The following HTR2C variants were observed in gnomAD, a reference collection of about 807,000 sequenced individuals.
HTR2C encodes 5-hydroxytryptamine (serotonin) receptor 2C, G protein-coupled.
A neutral mutation model predicts 21.0 loss-of-function variants in HTR2C; 5 were observed. The ratio of observed to expected loss-of-function variants is 0.24; its 90% CI spans 0.12 to 0.50. HTR2C has a LOEUF of 0.50. HTR2C is among the 20% of genes least tolerant of loss of function. The pLI is 0.98. For synonymous variants in HTR2C, 150 were observed against 145.3 expected (o/e 1.03, Z -0.23); for missense variants, 271 against 371.2 (o/e 0.73, Z 2.22).
At chrX:114,718,751 A>G (rs371041296) in intron 2 of HTR2C, among the ~76,000 whole-genome samples, 29 of 109,127 alleles carry the variant, frequency 2.7e-4, no homozygotes, top group Middle Eastern at 5.0e-3. Context: ...TCTTATTTCT[A>G]TGATTTAATC....
intron 2 of HTR2C, among the ~76,000 whole-genome samples, chrX:114,693,412 A>T (rs1330923906): frequency 8.9e-6 from 1 of 111,875 alleles, no homozygotes; most frequent in Non-Finnish European, 1.9e-5. Flanking sequence ...GATTACAAAG[A>T]TCTATGTGAA....
At chrX:114,865,573 C>T (rs1296848988) in intron 5 of HTR2C, among the ~76,000 whole-genome samples, 3 of 111,314 alleles carry the variant, frequency 2.7e-5, no homozygotes, top group African/African-American at 9.8e-5. Flanking sequence ...CTTGCTATTC[C>T]AGTTGGTGTA....
chrX:114,720,558 C>A (rs1214335927), intron 2 of HTR2C, among the ~76,000 whole-genome samples: 1 of 98,468 alleles, frequency 1.0e-5, no homozygotes, highest in Non-Finnish European at 2.0e-5. Context: ...GGTACATGTG[C>A]ACATTGTGCA....
intron 4 of HTR2C, among the ~76,000 whole-genome samples, chrX:114,847,679 T>G (rs1403929382): frequency 9.0e-6 from 1 of 110,558 alleles, no homozygotes; most frequent in African/African-American, 3.3e-5. Flanking sequence ...CGGTATGCAG[T>G]TTCCTTTTGG....
intron 2 of HTR2C, among the ~76,000 whole-genome samples, chrX:114,650,913 A>G (rs12836771): frequency 0.13 from 14,051 of 111,496 alleles, 762 homozygotes; most frequent in South Asian, 0.31. Context: ...TGAAAAGATT[A>G]GAAAATAAAA....
At chrX:114,659,077 C>T (rs995096471) in intron 2 of HTR2C, among the ~76,000 whole-genome samples, 3 of 111,007 alleles carry the variant, frequency 2.7e-5, no homozygotes, top group African/African-American at 6.6e-5. Flanking sequence ...TCCTTCTTCA[C>T]GTGCTGGCAG....
chrX:114,604,577 C>T (rs1256149150), intron 1 of HTR2C, among the ~76,000 whole-genome samples: 1 of 110,831 alleles, frequency 9.0e-6, no homozygotes, highest in African/African-American at 3.3e-5. Flanking sequence ...GCCGCTAATC[C>T]GAGAAGATCT....
chrX:114,691,435 A>G (rs1050026533), intron 2 of HTR2C, among the ~76,000 whole-genome samples: 4 of 111,933 alleles, frequency 3.6e-5, no homozygotes, highest in Non-Finnish European at 7.5e-5. Flanking sequence ...GTATGAAACC[A>G]AAGTTTACCT....
intron 4 of HTR2C, among the ~76,000 whole-genome samples, chrX:114,809,701 G>C (rs2070513516): frequency 9.0e-6 from 1 of 111,202 alleles, no homozygotes; most frequent in Non-Finnish European, 1.9e-5. Flanking sequence ...GGAAGGTCCA[G>C]AAATGCTGTC....
At chrX:114,899,792 G>A (rs1556484878) in intron 5 of HTR2C, among the ~76,000 whole-genome samples, 1 of 107,726 alleles carries the variant, frequency 9.3e-6, no homozygotes, top group Non-Finnish European at 1.9e-5. Context: ...TGAGTGCCGT[G>A]GACTGTAGCT....
chrX:114,877,878 T>C (rs1348700816), intron 5 of HTR2C, among the ~76,000 whole-genome samples: 2 of 110,919 alleles, frequency 1.8e-5, no homozygotes, highest in Non-Finnish European at 3.8e-5. Flanking sequence ...ACCTAACAAA[T>C]GCTCTATCCT....
intron 4 of HTR2C, among the ~76,000 whole-genome samples, chrX:114,786,403 C>T (rs2070174704): frequency 9.0e-6 from 1 of 111,550 alleles, no homozygotes; most frequent in Non-Finnish European, 1.9e-5. Context: ...AGTAATTATC[C>T]CAAGCTGAAA....
Position 114,720,516 on chromosome X carries a change from CT to C in HTR2C, c.-79-6331del, listed in dbSNP as rs71772275. On this transcript the variant is annotated intron_variant, in intron 2 of 5. Coordinates refer to ENST00000276198, the MANE Select transcript of HTR2C (RefSeq NM_000868.4). The stretch of plus-strand genomic sequence containing the variant: ...GATTTTCAGGATCATATTTCTTTTT[CT>C]TTTTTTTTTTAATTATACTTTAAGT... 7.8e-3 allele frequency among the ~76,000 whole-genome samples: 756 copies of C among 96,647 alleles called. 3 individuals carry two copies. Among genetic ancestry groups the C allele is most frequent in the African/African-American group, 0.026 (698 of 26,937 alleles). The allele number at this position is 96,647 out of a possible 115,157, so 83.9% of individuals were successfully genotyped here.
intron 1 of HTR2C, among the ~76,000 whole-genome samples, chrX:114,613,136 A>C (rs1928813192): frequency 1.8e-5 from 2 of 109,498 alleles, no homozygotes; most frequent in East Asian, 2.9e-4. Context: ...ACGGGGTTTG[A>C]TCATGTTGGC....
chrX:114,852,853 G>C (rs2070931066), intron 5 of HTR2C, among the ~76,000 whole-genome samples: 2 of 110,015 alleles, frequency 1.8e-5, no homozygotes, highest in South Asian at 7.7e-4. Flanking sequence ...GCGCGCGCGT[G>C]CATGTGTGTG....
chrX:114,702,488 T>A (rs1307647358), intron 2 of HTR2C, among the ~76,000 whole-genome samples: 2 of 109,930 alleles, frequency 1.8e-5, no homozygotes, highest in African/African-American at 6.6e-5. Context: ...AGAAATAAAA[T>A]CTTTTACAGA....
At chrX:114,875,097 C>T (rs1362325605) in intron 5 of HTR2C, among the ~76,000 whole-genome samples, 1 of 111,165 alleles carries the variant, frequency 9.0e-6, no homozygotes, top group East Asian at 2.8e-4. Flanking sequence ...GGCCCACTTT[C>T]TCATAGTCTG....
At chrX:114,599,583 T>C (rs1928003033) in intron 1 of HTR2C, among the ~76,000 whole-genome samples, 1 of 111,945 alleles carries the variant, frequency 8.9e-6, no homozygotes, top group South Asian at 3.7e-4. Flanking sequence ...ATGTGAAAGA[T>C]GAAATCATAA....
intron 4 of HTR2C, among the ~76,000 whole-genome samples, chrX:114,749,090 G>T (rs782427849): frequency 9.5e-6 from 1 of 104,923 alleles, no homozygotes; most frequent in Admixed American, 1.1e-4. Flanking sequence ...CACCAAGGAA[G>T]ATATGTAGCT....
Sources: gnomAD v4.1 joint callset for allele counts (sites outside exome capture counted in the v4.1 genomes callset) on GRCh38, gnomAD v4.1.1 for gene constraint, MANE v1.5 for transcripts, NCBI Gene and HGNC (gene_info 2026-07-23, HGNC 2026-07-21) for gene names.